Variants in MGST1 observed in about 807,000 individuals in gnomAD.
The protein encoded by MGST1 is microsomal glutathione S-transferase 1, also known as glutathione S-transferase 12.
Under a neutral mutation model 8.9 loss-of-function variants are expected in MGST1, and 5 were observed. The ratio of observed to expected loss-of-function variants is 0.56; its 90% CI spans 0.29 to 1.19. The LOEUF is 1.19. Ranked by LOEUF, MGST1 falls within the 50% of genes most tolerant of loss-of-function variation. MGST1 has a pLI of 0.08. For missense variants in MGST1, 182 were observed against 187.4 expected, an observed-to-expected ratio of 0.97 and a Z score of 0.17; for synonymous variants, 54 against 67.8, an observed-to-expected ratio of 0.80 and a Z score of 1.00.
chr12:16,506,644 C>G (rs1393432357), intron 4 of MGST1, among the ~76,000 whole-genome samples: 1 of 152,028 alleles, frequency 6.6e-6, no homozygotes, highest in Non-Finnish European at 1.5e-5. Context: ...TTTTCTTGGC[C>G]CTGTGCCATG....
chr12:16,440,577 G>A (rs1292567292), downstream of MGST1, among the ~76,000 whole-genome samples: 2 of 151,756 alleles, frequency 1.3e-5, no homozygotes, highest in Non-Finnish European at 2.9e-5. Context: ...TGTATCAGTA[G>A]TTCATTCTTT....
chr12:16,402,064 T>C, intron 1 of MGST1: 2 of 1,570,550 alleles, frequency 1.3e-6, no homozygotes, highest in Middle Eastern at 1.8e-4. Context: ...TCAATCATTT[T>C]GTCAAAGCTA....
intron 4 of MGST1, among the ~76,000 whole-genome samples, chr12:16,477,971 C>T (rs533405079): frequency 3.9e-5 from 6 of 152,290 alleles, no homozygotes; most frequent in Admixed American, 1.3e-4. Context: ...CATCTTGGTC[C>T]TTTAAAAATA....
At position 16,422,326 on chromosome 12, in the gene MGST1, C is replaced by T. The variant is rs150871271; in HGVS notation, n.779-15062C>T. On this transcript the variant is annotated intron_variant and non_coding_transcript_variant, in intron 1 of 1. Transcript: ENST00000359720. ...ATACAGTGTGGATGATCAGATATACCGCACAAATCCCTGGCCAGTGGGAGA... is the reference window on the plus strand; with the variant it reads ...ATACAGTGTGGATGATCAGATATACTGCACAAATCCCTGGCCAGTGGGAGA... Among the ~76,000 whole-genome samples the T allele has an allele frequency of 3.2e-3, 480 of 152,070 alleles. 1 individual carries two copies. Among genetic ancestry groups the T allele is most frequent in the Non-Finnish European group, 3.9e-3 (263 of 67,974 alleles).
At position 16,581,340 on chromosome 12, in the gene MGST1, G is replaced by C. The variant is rs376362522; in HGVS notation, n.483-8188G>C. Among the ~76,000 whole-genome samples the C allele has an allele frequency of 2.0e-4, 30 of 152,214 alleles. No individual in the cohort carries two copies. In the East Asian group the frequency reaches 4.3e-3, roughly 22 times the overall value. ...TGACTAAATGACTTAATTACCCTCA[G>C]CCTCAGTGCCTTCTTCTCTAAAATG... On this transcript the variant is annotated intron_variant and non_coding_transcript_variant, in intron 4 of 4. Transcript: ENST00000538857.
Position 16,450,299 on chromosome 12 carries a change from G to A in MGST1, n.482+66695G>A, listed in dbSNP as rs1349200330. Among the ~76,000 whole-genome samples the A allele has an allele frequency of 2.0e-5, 3 of 151,838 alleles. No homozygotes were observed. The East Asian group carries it at 5.8e-4, about 30-fold the overall frequency. ...CCTTCTACATCTCTCATCACATAAA[G>A]CAATATGTTTCCCTGAGTGCCTGCC... On this transcript the variant is annotated intron_variant and non_coding_transcript_variant, in intron 4 of 4. Transcript: ENST00000538857.
At chr12:16,461,269 T>C (rs761886474) in intron 4 of MGST1, among the ~76,000 whole-genome samples, 3 of 152,124 alleles carry the variant, frequency 2.0e-5, no homozygotes, top group Non-Finnish European at 4.4e-5. Flanking sequence ...TGCAAATTAT[T>C]ATTAATCCAT....
chr12:16,524,790 CTA>C (rs964351607), intron 4 of MGST1, among the ~76,000 whole-genome samples: 1 of 152,032 alleles, frequency 6.6e-6, no homozygotes, highest in Non-Finnish European at 1.5e-5. Context: ...TGTAAGGTAA[CTA>C]TGACTATGTG....
chr12:16,478,368 C>T (rs1941338669), intron 4 of MGST1, among the ~76,000 whole-genome samples: 2 of 152,160 alleles, frequency 1.3e-5, no homozygotes, highest in South Asian at 4.1e-4. Flanking sequence ...CTCTCATTCT[C>T]TTGAAAGCCA....
In MGST1 at chr12:16,548,068, C is replaced by A. The variant is rs1941853933; in HGVS notation, n.483-41460C>A. ...GAAAATTTGAAATTTAATCTGACAA[C>A]AGCAACAGAGTTGCTTTCAGAAAGA... is the stretch of plus-strand genomic sequence containing the variant. On this transcript the variant is annotated intron_variant and non_coding_transcript_variant, in intron 4 of 4. Coordinates refer to the MGST1 transcript ENST00000538857. This position sits in a 1 kb window ranked among gnomAD's most constrained non-coding sequence, Gnocchi z 4.2. Among the ~76,000 whole-genome samples the A allele has an allele frequency of 6.6e-6, 1 of 152,154 alleles. No individual in the cohort carries two copies. The highest frequency in any genetic ancestry group is 1.5e-5 in the Non-Finnish European group (1 of 68,014).
At chr12:16,385,947 T>C (rs1940500672) in intron 1 of MGST1, among the ~76,000 whole-genome samples, 1 of 152,182 alleles carries the variant, frequency 6.6e-6, no homozygotes, top group Non-Finnish European at 1.5e-5. Context: ...GAGTCTCCTA[T>C]CTACCCTCTT....
At position 16,589,082 on chromosome 12, in the gene MGST1, T is replaced by G. The variant is rs1289833439; in HGVS notation, n.483-446T>G. On this transcript the variant is annotated intron_variant and non_coding_transcript_variant, in intron 4 of 4. Coordinates refer to the MGST1 transcript ENST00000538857. The surrounding 1 kb of genome is among the most constrained non-coding windows in gnomAD (Gnocchi z 4.2). ...GTAGCAGAAGGGGGTCGACGTCAGG[T>G]CTGGATACCTCACCGTGATGCAACC... Among the ~76,000 whole-genome samples, 9 of 151,854 alleles carry G rather than the reference T, an allele frequency of 5.9e-5. No homozygotes were observed. The highest frequency in any genetic ancestry group is 2.0e-4 in the Admixed American group (3 of 15,246).
At chr12:16,415,895 A>G (rs1414028408) in intron 1 of MGST1, among the ~76,000 whole-genome samples, 6 of 152,216 alleles carry the variant, frequency 3.9e-5, no homozygotes, top group Non-Finnish European at 8.8e-5. Flanking sequence ...CAGTAGTAGA[A>G]AAATTATAGA....
intron 4 of MGST1, among the ~76,000 whole-genome samples, chr12:16,502,201 A>G (rs1210968545): frequency 6.6e-6 from 1 of 152,198 alleles, no homozygotes; most frequent in Admixed American, 6.5e-5. Context: ...TTGATTATGA[A>G]GAGATTTCTG....
chr12:16,446,820 T>C (rs1389754139), intron 4 of MGST1, among the ~76,000 whole-genome samples: 1 of 151,868 alleles, frequency 6.6e-6, no homozygotes, highest in African/African-American at 2.4e-5. Context: ...ACACTCCTGA[T>C]GGCCTTCTTA....
chr12:16,490,004 T>C (rs546518322), intron 4 of MGST1, among the ~76,000 whole-genome samples: 1 of 152,262 alleles, frequency 6.6e-6, no homozygotes, highest in East Asian at 1.9e-4. Flanking sequence ...GGCTCATGTC[T>C]ATAATCCCAG....
intron 4 of MGST1, among the ~76,000 whole-genome samples, chr12:16,535,551 T>G (rs571677785): frequency 1.3e-5 from 2 of 152,322 alleles, no homozygotes; most frequent in African/African-American, 4.8e-5. Flanking sequence ...CCATGGGGAT[T>G]CCCCAGTTAC....
chr12:16,541,446 T>A (rs1482577821), intron 4 of MGST1, among the ~76,000 whole-genome samples: 1 of 152,204 alleles, frequency 6.6e-6, no homozygotes, highest in Admixed American at 6.5e-5. Flanking sequence ...TAGTTCTAAC[T>A]AATTACTTGA....
intron 1 of MGST1, among the ~76,000 whole-genome samples, chr12:16,411,833 A>G (rs955294969): frequency 6.6e-6 from 1 of 152,154 alleles, no homozygotes. Context: ...AGACTTGAGA[A>G]TCATGTCTGC....
Sources: allele counts gnomAD v4.1 joint callset (sites outside exome capture counted in the v4.1 genomes callset), GRCh38; gene constraint gnomAD v4.1.1; non-coding constraint Gnocchi (gnomAD v3.1); transcripts MANE v1.5; gene names NCBI Gene and HGNC (gene_info 2026-07-23, HGNC 2026-07-21).